Variants in MICAL3 observed in about 807,000 individuals in gnomAD.
MICAL3 encodes [F-actin]-monooxygenase MICAL3.
A neutral mutation model predicts 207.4 loss-of-function variants in MICAL3; 62 were observed. The observed-to-expected ratio is 0.30, with a 90% CI of 0.24 to 0.37. MICAL3 has a LOEUF of 0.37. Among genes scored for constraint, MICAL3 ranks in the 10% least tolerant of loss-of-function variants. The pLI is 1.00. For missense variants in MICAL3, 2,368 were observed against 2,635.6 expected (o/e 0.90, Z 2.22); for synonymous variants, 1,077 against 1,069.3 (o/e 1.01, Z -0.14).
At chr22:17,814,634 C>T (rs1321630480) in intron 27 of MICAL3, 1 of 152,232 alleles carries the variant, frequency 6.6e-6, no homozygotes, top group Non-Finnish European at 1.5e-5. Context: ...CAGGCTGACT[C>T]CATACCATGC....
chr22:17,916,451 G>A (rs1932521850), intron 1 of MICAL3, among the ~76,000 whole-genome samples: 1 of 152,114 alleles, frequency 6.6e-6, no homozygotes. Flanking sequence ...CCCCTTGACA[G>A]CAAAACTCGC....
chr22:17,881,080 G>T, intron 16 of MICAL3: 1 of 848,474 alleles, frequency 1.2e-6, no homozygotes, highest in Non-Finnish European at 1.9e-6. Flanking sequence ...CGGTTTCTAC[G>T]CATAGCCTTT....
At position 17,799,111 on chromosome 22, in the gene MICAL3, C is replaced by T. The variant is rs552822720; in HGVS notation, c.5651-7810G>A. Among the ~76,000 whole-genome samples the T allele has an allele frequency of 4.6e-5, 7 of 152,236 alleles. No individual in the cohort carries two copies. The East Asian group carries it at 5.8e-4, about 13-fold the overall frequency. ...TAAACTTTCAGAAAGCAGCCAAGTGCGGTGGCTCACACCTGTAATCCTAGC... is the reference window on the plus strand; with the variant it reads ...TAAACTTTCAGAAAGCAGCCAAGTGTGGTGGCTCACACCTGTAATCCTAGC... On this transcript the variant is annotated intron_variant, in intron 29 of 31. Coordinates refer to ENST00000441493, the MANE Select transcript of MICAL3 (RefSeq NM_015241.3).
At chr22:17,961,772 GT>G (rs568977459) in intron 1 of MICAL3, among the ~76,000 whole-genome samples, 68 of 152,302 alleles carry the variant, frequency 4.5e-4, no homozygotes, top group African/African-American at 1.5e-3. Flanking sequence ...CCATTCTAGA[GT>G]TAGCGCCCCT....
At chr22:17,993,834 G>A (rs1569160596) in intron 1 of MICAL3, among the ~76,000 whole-genome samples, 2 of 132,298 alleles carry the variant, frequency 1.5e-5, no homozygotes, top group Admixed American at 7.2e-5. Flanking sequence ...GACAGGAAGC[G>A]GTGACCCCCC....
intron 20 of MICAL3, among the ~76,000 whole-genome samples, chr22:17,832,429 G>A (rs868171285): frequency 1.3e-5 from 2 of 152,206 alleles, no homozygotes; most frequent in African/African-American, 2.4e-5. Context: ...GCCTGTGGAG[G>A]GGAGTGTGCA....
intron 29 of MICAL3, among the ~76,000 whole-genome samples, chr22:17,804,323 A>T (rs997935095): frequency 4.6e-5 from 7 of 152,206 alleles, no homozygotes; most frequent in Admixed American, 4.6e-4. Flanking sequence ...GAAGCTCTGA[A>T]ATCCTTAGGT....
chr22:17,910,653 T>G (rs900331229), intron 1 of MICAL3, among the ~76,000 whole-genome samples: 6 of 152,184 alleles, frequency 3.9e-5, no homozygotes, highest in Non-Finnish European at 7.4e-5. Flanking sequence ...TTTTCCTGCT[T>G]TGCAGCTGAA....
At chr22:17,805,272 G>T (rs1003010483) in intron 29 of MICAL3, among the ~76,000 whole-genome samples, 1 of 152,250 alleles carries the variant, frequency 6.6e-6, no homozygotes. Context: ...GGAACGGGAC[G>T]CAGAAGCAGG....
In MICAL3 at chr22:17,869,442, A is replaced by C. The variant is rs1927495841; in HGVS notation, c.2428+2395T>G. Among the ~76,000 whole-genome samples the C allele has an allele frequency of 1.3e-5, 2 of 152,070 alleles. 1 individual carries two copies. The highest frequency in any genetic ancestry group is 4.2e-4 in the South Asian group (2 of 4,792). On this transcript the variant is annotated intron_variant, in intron 17 of 31. Transcript: ENST00000441493. ...GCCACCCTGCACACACCACCTGTGGAGGTAGCGTATGTCTCTTCTCAAGAT... is the reference window on the plus strand; with the variant it reads ...GCCACCCTGCACACACCACCTGTGGCGGTAGCGTATGTCTCTTCTCAAGAT...
At chr22:17,952,860 CCT>C (rs886574760) in intron 1 of MICAL3, among the ~76,000 whole-genome samples, 11 of 152,190 alleles carry the variant, frequency 7.2e-5, no homozygotes, top group African/African-American at 1.9e-4. Context: ...GAGTTCTTAA[CCT>C]CTCTGTTTCC....
intron 16 of MICAL3, chr22:17,875,680 A>AG: frequency 4.0e-6 from 1 of 249,652 alleles, no homozygotes; most frequent in South Asian, 5.0e-5. Flanking sequence ...TACCATGTAT[A>AG]GTAAAAAAAA....
intron 3 of MICAL3, among the ~76,000 whole-genome samples, chr22:17,903,636 C>T (rs907958652): frequency 1.3e-5 from 2 of 152,206 alleles, no homozygotes; most frequent in African/African-American, 4.8e-5. Context: ...GTCCCATTCC[C>T]AAATACTTGT....
At chr22:17,951,677 A>G (rs1463044117) in intron 1 of MICAL3, among the ~76,000 whole-genome samples, 1 of 151,922 alleles carries the variant, frequency 6.6e-6, no homozygotes, top group African/African-American at 2.4e-5. Context: ...TTGCCTCTAG[A>G]AAACCAGTGT....
chr22:18,001,666 G>C (rs1362639397), intron 1 of MICAL3, among the ~76,000 whole-genome samples: 1 of 152,238 alleles, frequency 6.6e-6, no homozygotes, highest in Non-Finnish European at 1.5e-5. Context: ...GCTCAGTCTT[G>C]CCAGAATCTC....
chr22:17,837,226 G>A (rs1392515187), intron 20 of MICAL3, among the ~76,000 whole-genome samples: 20 of 152,268 alleles, frequency 1.3e-4, no homozygotes. Flanking sequence ...TGAGGCGGGA[G>A]GGAGAGAACA....
chr22:17,872,971 A>C, intron 16 of MICAL3: 1 of 710,856 alleles, frequency 1.4e-6, no homozygotes, highest in Non-Finnish European at 2.5e-6. Context: ...ATTTGAATAC[A>C]AGGTGCAGCA....
Position 17,821,451 on chromosome 22 carries a change from A to C in MICAL3, c.3507T>G (p.Ile1169Met). 2 of 1,545,318 alleles carry C rather than the reference A, an allele frequency of 1.3e-6. No individual in the cohort carries two copies. The highest frequency in any genetic ancestry group is 1.7e-6 in the Non-Finnish European group (2 of 1,145,340). The change falls in exon 25 of 32, where the codon ATT becomes ATG. Residue 1169 changes from isoleucine to methionine, a missense_variant. Around this residue, in one of 4 missense-constraint regions of MICAL3, gnomAD observed 1,770 missense variants for 1,863.2 expected, o/e 0.95. Transcript: ENST00000441493. ...CCTCTGTTGAGGGGCTGTGGACTGGAATGAACAGAAGAGCTGATTCCTGGG... is the reference window on the plus strand; with the variant it reads ...CCTCTGTTGAGGGGCTGTGGACTGGCATGAACAGAAGAGCTGATTCCTGGG... ...RSPQESALLF[I>M]PVHSPSTEGP...
Position 18,020,264 on chromosome 22 carries a change from C to T in MICAL3, c.-75+4017G>A, listed in dbSNP as rs139579802. The T allele has an allele frequency of 3.3e-3, 506 of 152,640 alleles. 3 individuals carry two copies. The highest frequency in any genetic ancestry group is 4.6e-3 in the Admixed American group (70 of 15,248). The allele number at this position is 152,640 out of a possible 1,614,324, so 9.5% of individuals were successfully genotyped here. ...TCCACCTGAAGAAACAAACTCCCAT[C>T]ATCCTTTAAGATAAACTACACTTCT... On this transcript the variant is annotated intron_variant, in intron 1 of 31. Coordinates refer to ENST00000441493, the MANE Select transcript of MICAL3 (RefSeq NM_015241.3).
Sources: gnomAD v4.1 joint callset for allele counts (sites outside exome capture counted in the v4.1 genomes callset) on GRCh38, gnomAD v4.1.1 for gene constraint, gnomAD v4.1.1 regional missense constraint, MANE v1.5 for transcripts, NCBI Gene and HGNC (gene_info 2026-07-23, HGNC 2026-07-21) for gene names.